PRLR: variants seen among roughly 807,000 people sequenced by gnomAD.
PRLR encodes hPRL receptor.
PRLR carries 13 observed loss-of-function variants against 40.2 expected under a neutral mutation model. That is an observed-to-expected ratio of 0.32 (90% CI 0.21 to 0.51). The LOEUF is 0.51. Among genes scored for constraint, PRLR ranks in the 20% least tolerant of loss-of-function variants. PRLR has a pLI of 0.97. For synonymous variants in PRLR, 269 were observed against 278.7 expected (o/e 0.97, Z 0.35); for missense variants, 656 against 747.3 (o/e 0.88, Z 1.42).
chr5:35,124,084 C>G (rs1579700485), intron 1 of PRLR, among the ~76,000 whole-genome samples: 1 of 152,132 alleles, frequency 6.6e-6, no homozygotes, highest in Non-Finnish European at 1.5e-5. Flanking sequence ...TGCTCTGTCT[C>G]TGAAATCATT....
chr5:35,107,354 G>A (rs1338283190), intron 2 of PRLR, among the ~76,000 whole-genome samples: 2 of 152,126 alleles, frequency 1.3e-5, no homozygotes, highest in Non-Finnish European at 2.9e-5. Context: ...AAAGCTAGCA[G>A]AAGGCAAGAA....
rs138428398 is a variant in PRLR, at chr5:35,063,219, G to A, written c.*1870C>T. On this transcript the variant is annotated 3_prime_UTR_variant, in exon 10 of 10. Transcript: ENST00000618457. The stretch of plus-strand genomic sequence containing the variant: ...GATATTGTTTATATATTAGAAAAAT[G>A]GAGCTTCGTATCTATTGCTTTTGCC... 22 of 152,254 alleles carry A rather than the reference G, an allele frequency of 1.4e-4. No individual in the cohort carries two copies. The highest frequency in any genetic ancestry group is 5.3e-4 in the African/African-American group (22 of 41,552). The allele number at this position is 152,254 out of a possible 1,614,324, so 9.4% of individuals were successfully genotyped here. A position where few individuals can be genotyped will look rare whatever the true frequency, so the allele number is the denominator to read the frequency against.
At chr5:35,126,785 T>C (rs539605573) in intron 1 of PRLR, among the ~76,000 whole-genome samples, 1 of 152,346 alleles carries the variant, frequency 6.6e-6, no homozygotes, top group Non-Finnish European at 1.5e-5. Context: ...TATATGCTAA[T>C]GATTATTAAC....
intron 1 of PRLR, among the ~76,000 whole-genome samples, chr5:35,148,933 T>G (rs188665763): frequency 6.6e-6 from 1 of 151,940 alleles, no homozygotes; most frequent in Non-Finnish European, 1.5e-5. Context: ...GAATTTTAAA[T>G]ATCAAATATA....
At position 35,177,519 on chromosome 5, in the gene PRLR, G is replaced by A. The variant is rs1055782061; in HGVS notation, c.-106+52749C>T. ...CACTCATCTACTTTTTGTCTGTATG[G>A]AATTCCCTATTCTGGACATATCATA... On this transcript the variant is annotated intron_variant, in intron 1 of 9. Coordinates refer to ENST00000618457, the MANE Select transcript of PRLR (RefSeq NM_000949.7). 4.6e-5 allele frequency among the ~76,000 whole-genome samples: 7 copies of A among 152,096 alleles called. 2 individuals are homozygous for A. Among genetic ancestry groups the A allele is most frequent in the Admixed American group, 2.6e-4 (4 of 15,270 alleles).
intron 1 of PRLR, among the ~76,000 whole-genome samples, chr5:35,202,482 G>C (rs1775908597): frequency 6.6e-6 from 1 of 152,100 alleles, no homozygotes; most frequent in South Asian, 2.1e-4. Flanking sequence ...CGTCCGTACT[G>C]TCTCTCAGAA....
In PRLR at chr5:35,063,392, T is replaced by C. The variant is rs539847166; in HGVS notation, c.*1697A>G. The C allele has an allele frequency of 6.6e-6, 1 of 152,218 alleles. No individual in the cohort carries two copies. Among genetic ancestry groups the C allele is most frequent in the East Asian group, 1.9e-4 (1 of 5,186 alleles). The allele number at this position is 152,218 out of a possible 1,614,324, so 9.4% of individuals were successfully genotyped here. ...TATGTCCAGCTAGTAAATGGACATATAGAATGGATTTACCATCAAGTGAAG... is the reference window on the plus strand; with the variant it reads ...TATGTCCAGCTAGTAAATGGACATACAGAATGGATTTACCATCAAGTGAAG... On this transcript the variant is annotated 3_prime_UTR_variant, in exon 10 of 10. Transcript: ENST00000618457.
At chr5:35,204,088 G>A (rs1368351429) in intron 1 of PRLR, among the ~76,000 whole-genome samples, 1 of 151,966 alleles carries the variant, frequency 6.6e-6, no homozygotes. Flanking sequence ...ATGGGACAAT[G>A]TTTTCATGGT....
rs751773517 is a variant in PRLR, at chr5:35,065,215, T to C, written c.1743A>G (p.Pro581=). 3.7e-6 allele frequency: 6 copies of C among 1,614,196 alleles called. No homozygotes were observed. In the South Asian group the frequency reaches 4.4e-5, roughly 12 times the overall value. The change falls in exon 10 of 10, where the codon CCA becomes CCG. Residue 581 remains proline, a synonymous_variant. Coordinates refer to ENST00000618457, the MANE Select transcript of PRLR (RefSeq NM_000949.7). ...CFEESAKEAP[P]SLEQNQAEKA... is the part of the protein sequence containing the mutation. ...TCTCAGCTTGATTCTGTTCAAGTGA[T>C]GGTGGGGCCTCTTTGGCTGATTCTT...
chr5:35,082,349 T>C (rs1770576165), intron 5 of PRLR, among the ~76,000 whole-genome samples: 2 of 152,240 alleles, frequency 1.3e-5, no homozygotes, highest in South Asian at 2.1e-4. Flanking sequence ...TAAAAAATTA[T>C]ACAAAAACGC....
At position 35,139,098 on chromosome 5, in the gene PRLR, T is replaced by C. The variant is rs186964776; in HGVS notation, c.-105-20976A>G. On this transcript the variant is annotated intron_variant, in intron 1 of 9. Transcript: ENST00000618457. ...GTAAATTTTGTAGGCAGTTGAGCTA[T>C]AGGAGGTTTGAATAAACATATTAGC... Among the ~76,000 whole-genome samples, 134 of 152,268 alleles carry C rather than the reference T, an allele frequency of 8.8e-4. 1 individual carries two copies. Among genetic ancestry groups the C allele is most frequent in the Admixed American group, 1.4e-3 (21 of 15,300 alleles).
chr5:35,109,477 G>A (rs1340796318), intron 2 of PRLR, among the ~76,000 whole-genome samples: 1 of 152,114 alleles, frequency 6.6e-6, no homozygotes, highest in Non-Finnish European at 1.5e-5. Context: ...ATCTGACAAA[G>A]GGCTAATATT....
intron 1 of PRLR, among the ~76,000 whole-genome samples, chr5:35,167,105 G>A (rs1189154205): frequency 2.0e-5 from 3 of 151,836 alleles, no homozygotes; most frequent in South Asian, 2.1e-4. Flanking sequence ...CACTAATGCT[G>A]CTGCTAAAAA....
At chr5:35,125,935 C>T (rs1773446184) in intron 1 of PRLR, among the ~76,000 whole-genome samples, 1 of 152,164 alleles carries the variant, frequency 6.6e-6, no homozygotes, top group South Asian at 2.1e-4. Flanking sequence ...CTCCCTCACT[C>T]TTGGGCAACA....
chr5:35,211,080 T>A (rs1776156956), intron 1 of PRLR, among the ~76,000 whole-genome samples: 1 of 152,192 alleles, frequency 6.6e-6, no homozygotes, highest in South Asian at 2.1e-4. Flanking sequence ...TTAGTTTTGT[T>A]CTTATTCCAA....
At chr5:35,048,850 A>G (rs1768373946) in exon 9 of PRLR, 1 of 282,068 alleles carries the variant, frequency 3.5e-6, no homozygotes, top group South Asian at 3.9e-5. Flanking sequence ...CGTGCTTTAC[A>G]TGGCAGTGCC....
Position 35,068,231 on chromosome 5 carries a change from A to G in PRLR, c.840T>C (p.Asp280=). 6.2e-6 allele frequency: 10 copies of G among 1,612,878 alleles called. No homozygotes were observed. Among genetic ancestry groups the G allele is most frequent in the Non-Finnish European group, 8.5e-6 (10 of 1,178,828 alleles). ...CTGTACTTACCTCCAACAGATGAGC[A>G]TCAAATCCTTTTATTTTTGGCCCAG... ...PVPGPKIKGF[D]AHLLEKGKSE... is the part of the protein sequence containing the mutation. Residue 280 remains aspartate, a synonymous_variant, in exon 9 of 10, where the codon GAT becomes GAC. Transcript: ENST00000618457.
chr5:35,166,930 T>C (rs1057499287), intron 1 of PRLR, among the ~76,000 whole-genome samples: 1 of 152,128 alleles, frequency 6.6e-6, no homozygotes, highest in Non-Finnish European at 1.5e-5. Context: ...CCCTTAAACA[T>C]ATGATAAGAA....
intron 5 of PRLR, among the ~76,000 whole-genome samples, chr5:35,080,113 C>T (rs548669996): frequency 6.6e-6 from 1 of 152,172 alleles, no homozygotes; most frequent in African/African-American, 2.4e-5. Context: ...CAATACCATT[C>T]AGGACATAGG....
Sources: gnomAD v4.1 joint callset for allele counts (sites outside exome capture counted in the v4.1 genomes callset) on GRCh38, gnomAD v4.1.1 for gene constraint, MANE v1.5 for transcripts, NCBI Gene and HGNC (gene_info 2026-07-23, HGNC 2026-07-21) for gene names.